Variants in DNAJC11 observed in about 807,000 individuals in gnomAD.
DNAJC11 encodes the protein dnaJ homolog subfamily C member 11.
DNAJC11 carries 15 observed loss-of-function variants against 78.6 expected under a neutral mutation model. The ratio of observed to expected loss-of-function variants is 0.19; its 90% CI spans 0.13 to 0.29. DNAJC11 has a LOEUF of 0.29. Among genes scored for constraint, DNAJC11 ranks in the 10% least tolerant of loss-of-function variants. DNAJC11 has a pLI of 1.00. For synonymous variants in DNAJC11, 292 were observed against 272.1 expected (o/e 1.07, Z -0.72); for missense variants, 547 against 709.6 (o/e 0.77, Z 2.60).
At chr1:6,654,335 A>G (rs1181850940) in intron 4 of DNAJC11, 3 of 279,890 alleles carry the variant, frequency 1.1e-5, no homozygotes, top group African/African-American at 2.2e-5. Flanking sequence ...TCAAAGGAGT[A>G]AGAGCTAGAC....
chr1:6,657,373 T>A (rs1642142560), intron 4 of DNAJC11, among the ~76,000 whole-genome samples: 1 of 152,064 alleles, frequency 6.6e-6, no homozygotes, highest in South Asian at 2.1e-4. Context: ...CTGAGGTGTG[T>A]GAGACATGAA....
At chr1:6,644,246 G>A (rs1046742952) in intron 10 of DNAJC11, among the ~76,000 whole-genome samples, 11 of 152,002 alleles carry the variant, frequency 7.2e-5, no homozygotes, top group African/African-American at 2.7e-4. Context: ...CAATTCTCCT[G>A]CCTCGGCCTC....
At chr1:6,689,196 C>T (rs1570312760) in intron 1 of DNAJC11, among the ~76,000 whole-genome samples, 1 of 151,994 alleles carries the variant, frequency 6.6e-6, no homozygotes, top group East Asian at 1.9e-4. Context: ...AACAAACAAA[C>T]AAAAAACAAA....
At chr1:6,637,541 C>G in intron 12 of DNAJC11, 37 bp from the exon 13 acceptor site, 1 of 1,612,852 alleles carries the variant, frequency 6.2e-7, no homozygotes, top group Non-Finnish European at 8.5e-7. Flanking sequence ...CAGGGCCCTG[C>G]CAGGCCTGTT....
At chr1:6,664,241 CT>C (rs946714292) in intron 4 of DNAJC11, among the ~76,000 whole-genome samples, 451 of 140,316 alleles carry the variant, frequency 3.2e-3, no homozygotes, top group African/African-American at 3.6e-3. Flanking sequence ...CATTTTCTTT[CT>C]TTTTTTTTTT....
At chr1:6,644,791 C>A in intron 9 of DNAJC11, 117 bp from the exon 10 acceptor site, 1 of 912,654 alleles carries the variant, frequency 1.1e-6, no homozygotes, top group South Asian at 1.5e-5. Flanking sequence ...CCTCGACCCC[C>A]AGGGAGCAGA....
rs915738127 is a variant in DNAJC11, at chr1:6,701,628, C to T, written c.72+101G>A. The T allele has an allele frequency of 1.0e-5, 13 of 1,283,954 alleles. 1 individual carries two copies. Among genetic ancestry groups the T allele is most frequent in the Non-Finnish European group, 1.4e-5 (13 of 957,796 alleles). The allele number at this position is 1,283,954 out of a possible 1,614,324, so 79.5% of individuals were successfully genotyped here. ...GGTCACGCGGCCTCCCCGACGGACC[C>T]GAGCCTCCCGTGGCGGGGGTGGGGC... On this transcript the variant is annotated intron_variant, in intron 1 of 15. Transcript: ENST00000377577.
Position 6,634,201 on chromosome 1 carries a change from C to A in DNAJC11, c.*1474G>T. The A allele has an allele frequency of 9.5e-7, 1 of 1,049,436 alleles. No homozygotes were observed. The highest frequency in any genetic ancestry group is 1.4e-6 in the Non-Finnish European group (1 of 704,110). 65.0% of individuals were successfully genotyped at this position (1,049,436 alleles called of 1,614,324 possible). ...CAGGAAAGGTTTATTGTGGTGAGTG[C>A]CTTCTGTACAGTCGACTGCAAATGA... On this transcript the variant is annotated 3_prime_UTR_variant, in exon 16 of 16. Coordinates refer to ENST00000377577, the MANE Select transcript of DNAJC11 (RefSeq NM_018198.4).
At chr1:6,699,232 A>G (rs902616581) in intron 1 of DNAJC11, among the ~76,000 whole-genome samples, 1 of 151,992 alleles carries the variant, frequency 6.6e-6, no homozygotes, top group Non-Finnish European at 1.5e-5. Flanking sequence ...GGGGAAGTCA[A>G]GGTTGCAGTG....
intron 10 of DNAJC11, among the ~76,000 whole-genome samples, chr1:6,643,069 C>G (rs926116753): frequency 6.6e-6 from 1 of 151,888 alleles, no homozygotes; most frequent in African/African-American, 2.4e-5. Flanking sequence ...GGCAGAGAGG[C>G]TGTAAGGGCA....
chr1:6,645,205 G>T lies in DNAJC11; in HGVS notation c.895-79C>A. 8.8e-7 allele frequency: 1 copy of T among 1,140,652 alleles called. No homozygotes were observed. Among genetic ancestry groups the T allele is most frequent in the Non-Finnish European group, 1.3e-6 (1 of 756,234 alleles). 70.7% of individuals were successfully genotyped at this position (1,140,652 alleles called of 1,614,324 possible). The stretch of plus-strand genomic sequence containing the variant: ...GAGATGGGTATCTGCCCTCCCACTA[G>T]CTCTGGGCATCTGCTGCACACAGGC... On this transcript the variant is annotated intron_variant, in intron 8 of 15. Transcript: ENST00000377577. The surrounding 1 kb of genome is among the most constrained non-coding windows in gnomAD (Gnocchi z 4.1).
chr1:6,681,225 T>C (rs1461942370), intron 1 of DNAJC11, among the ~76,000 whole-genome samples, 188 bp from the exon 2 acceptor site: 1 of 152,200 alleles, frequency 6.6e-6, no homozygotes, highest in Non-Finnish European at 1.5e-5. Flanking sequence ...AAGTGATCAA[T>C]TACATACATC....
At chr1:6,648,980 ATTCC>A (rs1240389609) in intron 7 of DNAJC11, among the ~76,000 whole-genome samples, 2 of 151,392 alleles carry the variant, frequency 1.3e-5, no homozygotes, top group African/African-American at 4.9e-5. Context: ...CATGTCCCAC[ATTCC>A]TTCCATCTTT....
At chr1:6,641,377 CA>C (rs138659014) in intron 10 of DNAJC11, among the ~76,000 whole-genome samples, 6,982 of 106,482 alleles carry the variant, frequency 0.066, 229 homozygotes, top group South Asian at 0.073. Context: ...ACTCCGTCTC[CA>C]AAAAAAAAAA....
intron 6 of DNAJC11, among the ~76,000 whole-genome samples, 191 bp downstream of exon 6, chr1:6,652,638 C>T (rs967799024): frequency 1.3e-5 from 2 of 152,094 alleles, no homozygotes; most frequent in African/African-American, 4.8e-5. Context: ...CGGGGTTTCA[C>T]CATGTTGGCC....
At chr1:6,661,160 T>C (rs773609352) in intron 4 of DNAJC11, among the ~76,000 whole-genome samples, 1 of 152,236 alleles carries the variant, frequency 6.6e-6, no homozygotes, top group Non-Finnish European at 1.5e-5. Flanking sequence ...TTCATGTTTA[T>C]ATTTATCTGG....
chr1:6,693,771 C>T (rs1423429736), intron 1 of DNAJC11, among the ~76,000 whole-genome samples: 3 of 151,848 alleles, frequency 2.0e-5, no homozygotes, highest in Admixed American at 1.3e-4. Flanking sequence ...GGTGGTGTGA[C>T]TGCAGCTCAC....
chr1:6,644,664 A>G lies in DNAJC11; in HGVS notation c.991T>C (p.Phe331Leu), dbSNP rs762723655. The G allele has an allele frequency of 2.5e-6, 4 of 1,614,098 alleles. No homozygotes were observed. Among genetic ancestry groups the G allele is most frequent in the African/African-American group, 2.7e-5 (2 of 75,056 alleles). The change falls in exon 10 of 16, where the codon TTT (phenylalanine) becomes CTT (leucine). Residue 331 changes from phenylalanine to leucine, a missense_variant. By Grantham distance (22) the Phe-to-Leu change is conservative (BLOSUM62 0). Coordinates refer to ENST00000377577, the MANE Select transcript of DNAJC11 (RefSeq NM_018198.4). Reference sequence around the variant, plus strand: ...GCTCCGTACTCCACCACCGTCCCAAAGAAGCCTGCTCTGCAGGGAGAGAAC... The same window carrying G: ...GCTCCGTACTCCACCACCGTCCCAAGGAAGCCTGCTCTGCAGGGAGAGAAC... Reference protein sequence around the residue: ...RVKGSLKAGFFGTVVEYGAER... With the variant: ...RVKGSLKAGFLGTVVEYGAER...
intron 1 of DNAJC11, among the ~76,000 whole-genome samples, chr1:6,692,573 CAG>C (rs1642762703): frequency 6.6e-6 from 1 of 151,106 alleles, no homozygotes; most frequent in Non-Finnish European, 1.5e-5. Flanking sequence ...AGAACAAACT[CAG>C]TGTTTTGAAC....
Sources: gnomAD v4.1 joint callset for allele counts (sites outside exome capture counted in the v4.1 genomes callset) on GRCh38, gnomAD v4.1.1 for gene constraint, Gnocchi (gnomAD v3.1) non-coding constraint, MANE v1.5 for transcripts, NCBI Gene and HGNC (gene_info 2026-07-23, HGNC 2026-07-21) for gene names.